C17orf113: variants seen among roughly 807,000 people sequenced by gnomAD.
The protein encoded by C17orf113 is chromosome 17 open reading frame 113, also known as uncharacterized protein C17orf113.
In C17orf113, 5 loss-of-function variants were observed where a neutral mutation model predicts 11.6. That is an observed-to-expected ratio of 0.43 (90% CI 0.23 to 0.91). The LOEUF (loss-of-function observed/expected upper bound fraction) is 0.91, where lower values mean the gene tolerates loss of function less well. Among genes scored for constraint, C17orf113 ranks in the 40% least tolerant of loss-of-function variants. C17orf113 has a pLI of 0.26. For missense variants in C17orf113, 714 were observed against 841.3 expected, an observed-to-expected ratio of 0.85 and a Z score of 1.87; for synonymous variants, 327 against 390.6, an observed-to-expected ratio of 0.84 and a Z score of 1.92.
intron 2 of C17orf113, among the ~76,000 whole-genome samples, chr17:42,042,500 T>C (rs1555656224): frequency 1.3e-5 from 2 of 151,358 alleles, no homozygotes; most frequent in African/African-American, 4.9e-5. Flanking sequence ...CCAGCCTGGG[T>C]GACAGAGTGA....
chr17:42,043,272 G>A lies in C17orf113; in HGVS notation c.105C>T (p.Asp35=), dbSNP rs1479087283. 4.9e-6 allele frequency: 6 copies of A among 1,232,174 alleles called. No individual in the cohort carries two copies. The highest frequency in any genetic ancestry group is 6.1e-6 in the Non-Finnish European group (6 of 988,040). The allele number at this position is 1,232,174 out of a possible 1,614,324, so 76.3% of individuals were successfully genotyped here. A position where few individuals can be genotyped will look rare whatever the true frequency, so the allele number is the denominator to read the frequency against. Residue 35 remains aspartate, a synonymous_variant, in exon 2 of 3, where the codon GAC becomes GAT. Coordinates refer to ENST00000587304, the MANE Select transcript of C17orf113 (RefSeq NM_001358661.2). ...EHWKEEFTWL[D]FDYERKLMFC... ...ACATCAGCTTCCGCTCATAGTCAAA[G>A]TCCAGCCAGGTAAACTCCTCTTTCC...
intron 2 of C17orf113, among the ~76,000 whole-genome samples, chr17:42,042,316 G>A (rs2053043049): frequency 6.6e-6 from 1 of 152,170 alleles, no homozygotes; most frequent in Non-Finnish European, 1.5e-5. Context: ...GAGGTCAGGA[G>A]TTCGAAACTG....
chr17:42,040,461 G>A lies in C17orf113; in HGVS notation c.1272C>T (p.Asp424=). Residue 424 remains aspartate (D), a synonymous_variant, in exon 3 of 3, where the codon GAC becomes GAT. Coordinates refer to ENST00000587304, the MANE Select transcript of C17orf113 (RefSeq NM_001358661.2). ...TCACCAGAGGCTGCAGCAAGGCCAA[G>A]TCCGGCTCTTCTGCCTGCAGGACAA... is the stretch of plus-strand genomic sequence containing the variant. The part of the protein sequence containing the change: ...LSLVLQAEEP[D]LALLQPLVMA... 8.1e-7 allele frequency: 1 copy of A among 1,232,206 alleles called. No individual in the cohort carries two copies. Among genetic ancestry groups the A allele is most frequent in the East Asian group, 3.2e-5 (1 of 31,692 alleles). 76.3% of individuals were successfully genotyped at this position (1,232,206 alleles called of 1,614,324 possible). A position where few individuals can be genotyped will look rare whatever the true frequency, so the allele number is the denominator to read the frequency against.
Position 42,041,141 on chromosome 17 carries a change from C to T in C17orf113, c.592G>A (p.Ala198Thr), listed in dbSNP as rs1482621264. ...AACACCAGCCCCACATATGGGGATG[C>T]CTTCAGGCGCTGGCAGGCCTCTGTG... ...LHTEACQRLK[A>T]SPYVGLVLDE... The change falls in exon 3 of 3, where the codon GCA becomes ACA. Residue 198 changes from alanine (A) to threonine (T), a missense_variant. Coordinates refer to ENST00000587304, the MANE Select transcript of C17orf113 (RefSeq NM_001358661.2). 9 of 1,232,214 alleles carry T rather than the reference C, an allele frequency of 7.3e-6. No individual in the cohort carries two copies. Among genetic ancestry groups the T allele is most frequent in the Non-Finnish European group, 9.1e-6 (9 of 988,094 alleles). 76.3% of individuals were successfully genotyped at this position (1,232,214 alleles called of 1,614,324 possible). A position where few individuals can be genotyped will look rare whatever the true frequency, so the allele number is the denominator to read the frequency against.
intron 1 of C17orf113, among the ~76,000 whole-genome samples, chr17:42,046,878 T>TA (rs2053172221): frequency 6.6e-6 from 1 of 151,416 alleles, no homozygotes. Context: ...TTTTTTTTTT[T>TA]AATTGAGACA....
At chr17:42,042,590 A>C (rs2053051356) in intron 2 of C17orf113, among the ~76,000 whole-genome samples, 1 of 151,942 alleles carries the variant, frequency 6.6e-6, no homozygotes, top group Admixed American at 6.5e-5. Context: ...GCAACGTCTG[A>C]TTTAGGCAGT....
intron 1 of C17orf113, among the ~76,000 whole-genome samples, chr17:42,047,535 G>C (rs1317185530): frequency 1.3e-5 from 2 of 152,148 alleles, no homozygotes; most frequent in Admixed American, 1.3e-4. Flanking sequence ...AGTGCCCTGT[G>C]TGGAACCAGC....
chr17:42,042,093 A>G (rs1246468749), intron 2 of C17orf113, among the ~76,000 whole-genome samples: 1 of 152,168 alleles, frequency 6.6e-6, no homozygotes, highest in Non-Finnish European at 1.5e-5. Flanking sequence ...AAAGAAAACT[A>G]AGTCAAAAGT....
chr17:42,039,936 G>A lies in C17orf113; in HGVS notation c.1797C>T (p.Ala599=). ...GCAGCGCCAAAGCCAAGGCGGCTAG[G>A]GCGGCGAAGTCGGGGAAGAGCTCGT... The part of the protein sequence containing the change: ...ELHELFPDFA[A]LAALALALPA... The change falls in exon 3 of 3, where the codon GCC becomes GCT. Residue 599 remains alanine, a synonymous_variant. Transcript: ENST00000587304. The A allele has an allele frequency of 8.1e-7, 1 of 1,231,240 alleles. No homozygotes were observed. Among genetic ancestry groups the A allele is most frequent in the Non-Finnish European group, 1.0e-6 (1 of 987,616 alleles). The allele number at this position is 1,231,240 out of a possible 1,614,324, so 76.3% of individuals were successfully genotyped here. A position where few individuals can be genotyped will look rare whatever the true frequency, so the allele number is the denominator to read the frequency against.
intron 1 of C17orf113, among the ~76,000 whole-genome samples, chr17:42,044,693 A>T (rs560324026): frequency 1.4e-4 from 21 of 152,174 alleles, no homozygotes; most frequent in African/African-American, 5.1e-4. Context: ...TGCTTTCTCT[A>T]AAGCTCCATT....
Position 42,039,630 on chromosome 17 carries a change from G to A in C17orf113, c.*75C>T. On this transcript the variant is annotated 3_prime_UTR_variant, in exon 3 of 3. Coordinates refer to ENST00000587304, the MANE Select transcript of C17orf113 (RefSeq NM_001358661.2). Reference sequence around the variant, plus strand: ...CAGTCAGCAGATCATCTTGGGTGCAGCATGGTCAAGTCTAGGTTGGCCCTT... The same window carrying A: ...CAGTCAGCAGATCATCTTGGGTGCAACATGGTCAAGTCTAGGTTGGCCCTT... 1.7e-6 allele frequency: 2 copies of A among 1,192,802 alleles called. No homozygotes were observed. Among genetic ancestry groups the A allele is most frequent in the Middle Eastern group, 3.2e-4 (1 of 3,166 alleles). 73.9% of individuals were successfully genotyped at this position (1,192,802 alleles called of 1,614,324 possible).
At position 42,050,426 on chromosome 17, in the gene C17orf113, G is replaced by A. The variant is rs1555657002; in HGVS notation, c.-188+131C>T. 6.6e-6 allele frequency: 1 copy of A among 152,092 alleles called. No individual in the cohort carries two copies. The highest frequency in any genetic ancestry group is 6.5e-5 in the Admixed American group (1 of 15,270). 9.4% of individuals were successfully genotyped at this position (152,092 alleles called of 1,614,324 possible). On this transcript the variant is annotated intron_variant, in intron 1 of 2. Transcript: ENST00000587304. This position sits in a 1 kb window ranked among gnomAD's most constrained non-coding sequence, Gnocchi z 5.6. ...CGGGGAGGGCTGAGGAACTTCCTCT[G>A]GGGGGCGCGCGGTGACAGAGCCCTC...
At chr17:42,049,171 A>G (rs2053234494) in intron 1 of C17orf113, among the ~76,000 whole-genome samples, 1 of 152,092 alleles carries the variant, frequency 6.6e-6, no homozygotes, top group Non-Finnish European at 1.5e-5. Context: ...CCCTTCTTCC[A>G]GAATATTCCC....
rs1453992401 is a variant in C17orf113 at position 42,043,554 on chromosome 17, C to T, written c.-178G>A. ...CCTGGAGAGTTTATTCCTGCTCTGC[C>T]GGTGGGAGACTGGAGATGAAAGAGA... On this transcript the variant is annotated 5_prime_UTR_variant, in exon 2 of 3. Coordinates refer to ENST00000587304, the MANE Select transcript of C17orf113 (RefSeq NM_001358661.2). 15 of 440,900 alleles carry T rather than the reference C, an allele frequency of 3.4e-5. No homozygotes were observed. The highest frequency in any genetic ancestry group is 4.5e-5 in the Non-Finnish European group (12 of 266,884). 27.3% of individuals were successfully genotyped at this position (440,900 alleles called of 1,614,324 possible).
rs2053249366 is a variant in C17orf113 at position 42,050,077 on chromosome 17, A to G, written c.-188+480T>C. On this transcript the variant is annotated intron_variant, in intron 1 of 2. Coordinates refer to ENST00000587304, the MANE Select transcript of C17orf113 (RefSeq NM_001358661.2). This position sits in a 1 kb window ranked among gnomAD's most constrained non-coding sequence, Gnocchi z 5.6. ...GGTGTAAACAAAACTCCATGGGTCC[A>G]GTTGTGACCAAGGCTGACCAGGAGG... Among the ~76,000 whole-genome samples the G allele has an allele frequency of 6.6e-6, 1 of 152,222 alleles. No homozygotes were observed. Among genetic ancestry groups the G allele is most frequent in the South Asian group, 2.1e-4 (1 of 4,828 alleles).
rs959718849 is a variant in C17orf113, at chr17:42,050,018, C to T, written c.-188+539G>A. Among the ~76,000 whole-genome samples, 9 of 152,178 alleles carry T rather than the reference C, an allele frequency of 5.9e-5. No individual in the cohort carries two copies. Among genetic ancestry groups the T allele is most frequent in the East Asian group, 1.9e-4 (1 of 5,196 alleles). On this transcript the variant is annotated intron_variant, in intron 1 of 2. Transcript: ENST00000587304. This position sits in a 1 kb window ranked among gnomAD's most constrained non-coding sequence, Gnocchi z 5.6. ...TCAAATTCCATTGACATTCTCCCCA[C>T]CTCAACCTCAAGGAAACAGGCTGAG...
intron 1 of C17orf113, among the ~76,000 whole-genome samples, chr17:42,047,028 AATT>A (rs1211589943): frequency 2.9e-5 from 2 of 67,924 alleles, no homozygotes; most frequent in Non-Finnish European, 5.4e-5. Flanking sequence ...ATGCCCGGCT[AATT>A]TTTTTTTTTT....
intron 2 of C17orf113, 112 bp from the exon 3 acceptor site, chr17:42,041,301 A>T (rs2053015456): frequency 1.1e-6 from 1 of 926,768 alleles, no homozygotes; most frequent in East Asian, 3.3e-5. Flanking sequence ...GGTTAGACAG[A>T]CTTAGGGACT....
rs1398132001 is a variant in C17orf113 at position 42,041,099 on chromosome 17, A to C, written c.634T>G (p.Trp212Gly). The C allele has an allele frequency of 8.1e-7, 1 of 1,232,240 alleles. No individual in the cohort carries two copies. Among genetic ancestry groups the C allele is most frequent in the Admixed American group, 4.2e-5 (1 of 23,712 alleles). The allele number at this position is 1,232,240 out of a possible 1,614,324, so 76.3% of individuals were successfully genotyped here. ...AGGGCCAGGCTGTGTGACTCCGGCC[A>C]GTCTCTGGTCTCGTCCAACACCAGC... Reference protein sequence around the residue: ...VGLVLDETRDWPESHSLALFA... With the variant: ...VGLVLDETRDGPESHSLALFA... The change falls in exon 3 of 3, where the codon TGG (tryptophan) becomes GGG (glycine). Residue 212 changes from tryptophan to glycine, a missense_variant. Around this residue, in one of 3 missense-constraint regions of C17orf113, gnomAD observed 516 missense variants for 626.6 expected, o/e 0.82. Coordinates refer to ENST00000587304, the MANE Select transcript of C17orf113 (RefSeq NM_001358661.2).
Sources: allele counts gnomAD v4.1 joint callset (sites outside exome capture counted in the v4.1 genomes callset), GRCh38; gene constraint gnomAD v4.1.1; regional missense constraint gnomAD v4.1.1; non-coding constraint Gnocchi (gnomAD v3.1); transcripts MANE v1.5; gene names NCBI Gene and HGNC (gene_info 2026-07-23, HGNC 2026-07-21).